CFAP61: variants seen among roughly 807,000 people sequenced by gnomAD.
The protein encoded by CFAP61 is cilia and flagella associated protein 61, also known as cilia- and flagella-associated protein 61.
Under a neutral mutation model 135.6 loss-of-function variants are expected in CFAP61, and 107 were observed. The observed-to-expected ratio is 0.79, with a 90% CI of 0.67 to 0.93. The LOEUF is 0.93. Among genes scored for constraint, CFAP61 ranks in the 40% least tolerant of loss-of-function variants. CFAP61 has a pLI of 0.00. For missense variants in CFAP61, 1,507 were observed against 1,556.2 expected (o/e 0.97, Z 0.53); for synonymous variants, 575 against 578.5 (o/e 0.99, Z 0.09).
intron 25 of CFAP61, among the ~76,000 whole-genome samples, chr20:20,324,555 GTATA>G (rs1208158088): frequency 6.6e-6 from 1 of 152,088 alleles, no homozygotes; most frequent in Non-Finnish European, 1.5e-5. Context: ...TCCTGGCATT[GTATA>G]TAATGTTACC....
At chr20:20,319,656 C>G (rs1272654611) in intron 25 of CFAP61, among the ~76,000 whole-genome samples, 1 of 152,158 alleles carries the variant, frequency 6.6e-6, no homozygotes, top group Non-Finnish European at 1.5e-5. Flanking sequence ...AACTGTGAGC[C>G]AATTAAACCT....
At chr20:20,166,294 GC>G in intron 11 of CFAP61, 102 bp from the exon 12 acceptor site, 1 of 879,084 alleles carries the variant, frequency 1.1e-6, no homozygotes, top group Non-Finnish European at 1.9e-6. Context: ...CTAGTGGTTG[GC>G]TAATCGCTGC....
At chr20:20,152,129 A>T (rs1267517716) in intron 9 of CFAP61, among the ~76,000 whole-genome samples, 1 of 152,166 alleles carries the variant, frequency 6.6e-6, no homozygotes, top group African/African-American at 2.4e-5. Context: ...TTCATAAATG[A>T]AGGAGAGAGA....
chr20:20,122,207 G>A (rs1050678288), intron 8 of CFAP61, among the ~76,000 whole-genome samples: 8 of 151,680 alleles, frequency 5.3e-5, no homozygotes, highest in Admixed American at 2.6e-4. Context: ...AGGCTGGAGC[G>A]CAGTGGCACA....
At chr20:20,170,281 C>T (rs2054130751) in intron 13 of CFAP61, among the ~76,000 whole-genome samples, 1 of 152,178 alleles carries the variant, frequency 6.6e-6, no homozygotes, top group Non-Finnish European at 1.5e-5. Context: ...GTGTCTTATA[C>T]TATACCAAGT....
chr20:20,110,597 G>A (rs2048731371), intron 8 of CFAP61, among the ~76,000 whole-genome samples: 1 of 152,204 alleles, frequency 6.6e-6, no homozygotes, highest in African/African-American at 2.4e-5. Context: ...AGACAGGGGA[G>A]TGAGCATGGT....
intron 8 of CFAP61, among the ~76,000 whole-genome samples, chr20:20,108,568 A>G (rs1432791067): frequency 6.6e-6 from 1 of 152,216 alleles, no homozygotes; most frequent in African/African-American, 2.4e-5. Flanking sequence ...CAGTAAAGTC[A>G]CCTAATAAAA....
intron 25 of CFAP61, among the ~76,000 whole-genome samples, chr20:20,308,176 A>G (rs904249521): frequency 1.3e-5 from 2 of 152,238 alleles, no homozygotes; most frequent in African/African-American, 4.8e-5. Context: ...TGTGTTGGAC[A>G]GTGCTGCTGT....
intron 21 of CFAP61, among the ~76,000 whole-genome samples, chr20:20,271,486 C>A (rs2053347355): frequency 6.6e-6 from 1 of 152,178 alleles, no homozygotes. Flanking sequence ...CTAGGAAGCA[C>A]CCTTGCACAT....
At chr20:20,232,753 T>C (rs775856606) in intron 18 of CFAP61, 1 of 152,234 alleles carries the variant, frequency 6.6e-6, no homozygotes, top group Non-Finnish European at 1.5e-5. Flanking sequence ...AATCCCGACG[T>C]AAAGAATCTT....
intron 9 of CFAP61, among the ~76,000 whole-genome samples, chr20:20,143,697 G>C (rs747135141): frequency 6.6e-6 from 1 of 152,162 alleles, no homozygotes; most frequent in African/African-American, 2.4e-5. Context: ...AGGTCACAAC[G>C]CAGGGCAGGA....
intron 10 of CFAP61, among the ~76,000 whole-genome samples, chr20:20,162,916 G>A (rs1383895792): frequency 6.6e-6 from 1 of 152,188 alleles, no homozygotes; most frequent in Non-Finnish European, 1.5e-5. Flanking sequence ...GAATTGTGAT[G>A]TAATTTTCCT....
intron 25 of CFAP61, among the ~76,000 whole-genome samples, chr20:20,319,580 T>C (rs1056961650): frequency 2.6e-5 from 4 of 152,230 alleles, no homozygotes; most frequent in African/African-American, 9.6e-5. Context: ...ACATGCCTGC[T>C]TCCCTTCAAC....
In CFAP61 at chr20:20,182,512, C is replaced by G. The variant is rs559060440; in HGVS notation, c.1386-5418C>G. On this transcript the variant is annotated intron_variant, in intron 13 of 26. Coordinates refer to ENST00000245957, the MANE Select transcript of CFAP61 (RefSeq NM_015585.4). ...CAATAGCAGTTCAGCTTCACGAGAG[C>G]AGAAATTGTGGACTGTCTGGTTCCC... is the stretch of plus-strand genomic sequence containing the variant. Among the ~76,000 whole-genome samples the G allele has an allele frequency of 2.4e-4, 36 of 151,988 alleles. 1 individual carries two copies. The highest frequency in any genetic ancestry group is 8.2e-4 in the African/African-American group (34 of 41,492).
At chr20:20,268,164 C>G (rs569712798) in intron 21 of CFAP61, among the ~76,000 whole-genome samples, 1 of 152,276 alleles carries the variant, frequency 6.6e-6, no homozygotes, top group East Asian at 1.9e-4. Flanking sequence ...CTAATTTCCC[C>G]TTTTTTAAAT....
At position 20,235,465 on chromosome 20, in the gene CFAP61, AG is replaced by A. The variant is rs1382416174; in HGVS notation, c.2060+7092del. On this transcript the variant is annotated intron_variant, in intron 18 of 26. Transcript: ENST00000245957. ...CAATGTGTGTCTTCACGAGACCTGCAGGGACACACTCGGCCAATGCCACCAG... is the reference window on the plus strand; with the variant it reads ...CAATGTGTGTCTTCACGAGACCTGCAGGACACACTCGGCCAATGCCACCAG... 3.2e-4 allele frequency among the ~76,000 whole-genome samples: 48 copies of A among 152,194 alleles called. No individual in the cohort carries two copies. In the South Asian group the frequency reaches 4.4e-3, roughly 14 times the overall value.
In CFAP61 at chr20:20,188,059, A is replaced by G; in HGVS notation, c.1512+3A>G. ...ACAACAAGGCTCGCAAAGACCCTGTAAGTACCTGTTGTGACCAGACCTCAG... is the reference window on the plus strand; with the variant it reads ...ACAACAAGGCTCGCAAAGACCCTGTGAGTACCTGTTGTGACCAGACCTCAG... On this transcript the variant is annotated splice_donor_region_variant and intron_variant, in intron 14 of 26. Coordinates refer to ENST00000245957, the MANE Select transcript of CFAP61 (RefSeq NM_015585.4). 1 of 1,614,146 alleles carries G rather than the reference A, an allele frequency of 6.2e-7. No homozygotes were observed.
intron 24 of CFAP61, among the ~76,000 whole-genome samples, chr20:20,292,036 G>C (rs1323034305): frequency 6.6e-6 from 1 of 152,238 alleles, no homozygotes; most frequent in Non-Finnish European, 1.5e-5. Context: ...TGAGATGTAA[G>C]CAGAAGCTCT....
rs368905528 is a variant in CFAP61 at position 20,120,006 on chromosome 20, G to C, written c.859+21192G>C. Among the ~76,000 whole-genome samples, 11 of 152,300 alleles carry C rather than the reference G, an allele frequency of 7.2e-5. No homozygotes were observed. The East Asian group carries it at 2.1e-3, about 29-fold the overall frequency. On this transcript the variant is annotated intron_variant, in intron 8 of 26. Coordinates refer to ENST00000245957, the MANE Select transcript of CFAP61 (RefSeq NM_015585.4). ...ATATGTATCACATTGTCTTTATCCA[G>C]TCTACCATTGATGGGCATTTAGGTT...
Sources: allele counts gnomAD v4.1 joint callset (sites outside exome capture counted in the v4.1 genomes callset), GRCh38; gene constraint gnomAD v4.1.1; transcripts MANE v1.5; gene names NCBI Gene and HGNC (gene_info 2026-07-23, HGNC 2026-07-21).